The following SNX2 variants were observed in gnomAD, a reference collection of about 807,000 sequenced individuals.
The protein encoded by SNX2 is sorting nexin-2.
A neutral mutation model predicts 69.9 loss-of-function variants in SNX2; 25 were observed. The observed-to-expected ratio is 0.36, with a 90% CI of 0.26 to 0.50. The LOEUF (loss-of-function observed/expected upper bound fraction) is 0.50. Among genes scored for constraint, SNX2 ranks in the 20% least tolerant of loss-of-function variants. The probability of loss-of-function intolerance (pLI) is 0.97; values close to 1 mark genes in which losing one functional copy is unlikely to be tolerated. For missense variants in SNX2, 551 were observed against 613.3 expected, an observed-to-expected ratio of 0.90 and a Z score of 1.07; for synonymous variants, 229 against 200.4, an observed-to-expected ratio of 1.14 and a Z score of -1.20.
Position 122,803,498 on chromosome 5 carries a change from T to TGAA in SNX2, c.529_531dup (p.Glu177dup). ...CATCTCTTTCCATGTTCAGTAAGAG[T>TGAA]GAATTTTCAGTGAAAAGAAGATTCA... On this transcript the variant is annotated inframe_insertion, in exon 6 of 15. Transcript: ENST00000379516. 1 of 1,610,970 alleles carries TGAA rather than the reference T, an allele frequency of 6.2e-7. No individual in the cohort carries two copies.
chr5:122,826,228 T>C, intron 12 of SNX2, 35 bp downstream of exon 12: 2 of 1,579,886 alleles, frequency 1.3e-6, no homozygotes, highest in Non-Finnish European at 1.7e-6. Flanking sequence ...TTTACTTAAG[T>C]TTTGCATGAG....
At chr5:122,806,142 G>GCACACGCACACACACACACACACACA (rs1554063176) in intron 6 of SNX2, among the ~76,000 whole-genome samples, 2,019 of 130,614 alleles carry the variant, frequency 0.015, 30 homozygotes, top group Non-Finnish European at 0.023. Flanking sequence ...ACACGCGCGC[G>GCACACGCACACACACACACACACACA]CACACACACA....
chr5:122,787,524 A>C lies in SNX2; in HGVS notation c.109-7742A>C, dbSNP rs542849486. 8.6e-5 allele frequency among the ~76,000 whole-genome samples: 13 copies of C among 151,094 alleles called. No homozygotes were observed. In the South Asian group the frequency reaches 1.1e-3, roughly 12 times the overall value. On this transcript the variant is annotated intron_variant, in intron 1 of 14. Transcript: ENST00000379516. ...GACAGAGCAAGACTGTCCCCCCCCA[A>C]AAAAAAAAGAAAGAAAGAAAAAGAG... is the stretch of plus-strand genomic sequence containing the variant.
intron 5 of SNX2, among the ~76,000 whole-genome samples, chr5:122,803,020 G>T (rs572124821): frequency 2.3e-4 from 35 of 152,284 alleles, no homozygotes; most frequent in Middle Eastern, 6.8e-3. Flanking sequence ...ACCTACCATG[G>T]TGTCAAGCTT....
At chr5:122,824,171 C>T (rs539482832) in intron 11 of SNX2, among the ~76,000 whole-genome samples, 23 of 147,564 alleles carry the variant, frequency 1.6e-4, no homozygotes, top group African/African-American at 4.5e-4. Flanking sequence ...CACTGCACTC[C>T]AGCCTGGGCA....
intron 11 of SNX2, among the ~76,000 whole-genome samples, chr5:122,823,707 T>C (rs913154233): frequency 8.3e-5 from 7 of 83,962 alleles, no homozygotes; most frequent in Non-Finnish European, 1.3e-4. Context: ...TTGGTGGTCG[T>C]GTGTATGTGG....
intron 7 of SNX2, among the ~76,000 whole-genome samples, chr5:122,814,433 T>G (rs1370653331): frequency 6.6e-6 from 1 of 152,232 alleles, no homozygotes; most frequent in Non-Finnish European, 1.5e-5. Flanking sequence ...TCTAGTATAA[T>G]GACTTCTTAT....
At chr5:122,826,232 G>C (rs1754147652) in intron 12 of SNX2, 39 bp downstream of exon 12, 1 of 1,568,560 alleles carries the variant, frequency 6.4e-7, no homozygotes, top group African/African-American at 1.4e-5. Flanking sequence ...CTTAAGTTTT[G>C]CATGAGTCAT....
intron 12 of SNX2, 50 bp from the exon 13 acceptor site, chr5:122,827,329 A>C: frequency 6.8e-7 from 1 of 1,467,786 alleles, no homozygotes; most frequent in Non-Finnish European, 9.5e-7. Context: ...TCTTGACAGT[A>C]CTATACTTTT....
At chr5:122,828,884 C>T (rs1178911975) in intron 14 of SNX2, among the ~76,000 whole-genome samples, 3 of 151,994 alleles carry the variant, frequency 2.0e-5, no homozygotes, top group African/African-American at 4.8e-5. Flanking sequence ...ATTGGGAGGC[C>T]GAGGCGGGTG....
At chr5:122,815,157 C>A (rs1350132057) in intron 7 of SNX2, among the ~76,000 whole-genome samples, 1 of 152,172 alleles carries the variant, frequency 6.6e-6, no homozygotes, top group Non-Finnish European at 1.5e-5. Flanking sequence ...GGGTGACAGG[C>A]ACATGTGAGC....
intron 11 of SNX2, among the ~76,000 whole-genome samples, chr5:122,821,585 G>A (rs1043217543): frequency 1.3e-5 from 2 of 151,904 alleles, no homozygotes; most frequent in Non-Finnish European, 2.9e-5. Flanking sequence ...CTTCCGAGTA[G>A]CTGGGACTAC....
chr5:122,808,424 T>TATAA, intron 7 of SNX2, 69 bp downstream of exon 7: 1 of 1,136,378 alleles, frequency 8.8e-7, no homozygotes, highest in Non-Finnish European at 1.3e-6. Context: ...TTCCATTATA[T>TATAA]GGCAAAACTG....
chr5:122,810,211 G>A (rs1001493028), intron 7 of SNX2, among the ~76,000 whole-genome samples: 45 of 150,862 alleles, frequency 3.0e-4, no homozygotes, highest in African/African-American at 1.0e-3. Context: ...CAGCATGCTC[G>A]TTAAGAGTCA....
At chr5:122,804,341 A>C (rs995733455) in intron 6 of SNX2, among the ~76,000 whole-genome samples, 15 of 151,248 alleles carry the variant, frequency 9.9e-5, no homozygotes, top group Non-Finnish European at 2.1e-4. Flanking sequence ...TCGTACCTCA[A>C]TTTAAAGTTT....
At chr5:122,783,948 G>A (rs1166743766) in intron 1 of SNX2, among the ~76,000 whole-genome samples, 2 of 151,930 alleles carry the variant, frequency 1.3e-5, no homozygotes, top group South Asian at 2.1e-4. Flanking sequence ...TTTCACTAAT[G>A]TTTGTAGCTT....
intron 3 of SNX2, among the ~76,000 whole-genome samples, chr5:122,800,131 A>G (rs1753475620): frequency 6.6e-6 from 1 of 152,186 alleles, no homozygotes. Context: ...CAGATGATAT[A>G]TAAAAGTGCT....
chr5:122,825,965 GT>G, intron 11 of SNX2, 84 bp from the exon 12 acceptor site: 1 of 1,255,882 alleles, frequency 8.0e-7, no homozygotes, highest in Non-Finnish European at 1.1e-6. Context: ...TGGTTTTATT[GT>G]TTTCAGTATT....
chr5:122,804,708 G>A (rs1753595008), intron 6 of SNX2, among the ~76,000 whole-genome samples: 1 of 152,092 alleles, frequency 6.6e-6, no homozygotes, highest in South Asian at 2.1e-4. Flanking sequence ...TTAAGAAACT[G>A]CAGAAAATTA....
Sources: gnomAD v4.1 joint callset for allele counts (sites outside exome capture counted in the v4.1 genomes callset) on GRCh38, gnomAD v4.1.1 for gene constraint, MANE v1.5 for transcripts, NCBI Gene and HGNC (gene_info 2026-07-23, HGNC 2026-07-21) for gene names.